The following DLGAP2 variants were observed in gnomAD, a reference collection of about 807,000 sequenced individuals.
DLGAP2 encodes the protein DLG associated protein 2.
DLGAP2 carries 26 observed loss-of-function variants against 100.3 expected under a neutral mutation model. That is an observed-to-expected ratio of 0.26 (90% CI 0.19 to 0.36). DLGAP2 has a LOEUF of 0.36. DLGAP2 is among the 10% of genes least tolerant of loss of function. The pLI is 1.00. For missense variants in DLGAP2, 1,858 were observed against 1,453.2 expected (o/e 1.28, Z -4.53); for synonymous variants, 886 against 630.1 (o/e 1.41, Z -6.08).
intron 3 of DLGAP2, among the ~76,000 whole-genome samples, chr8:1,290,598 G>A (rs766215504): frequency 1.3e-5 from 2 of 152,214 alleles, no homozygotes; most frequent in Non-Finnish European, 2.9e-5. Flanking sequence ...GGGAGACAGC[G>A]GAGACACCAG....
intron 2 of DLGAP2, among the ~76,000 whole-genome samples, chr8:1,200,210 C>T (rs1418545959): frequency 1.3e-5 from 2 of 152,218 alleles, no homozygotes; most frequent in Non-Finnish European, 2.9e-5. Context: ...CGGGTGTCAC[C>T]TTCCTCCTGG....
chr8:787,088 A>G (rs552386479), intron 1 of DLGAP2, among the ~76,000 whole-genome samples: 2 of 152,274 alleles, frequency 1.3e-5, no homozygotes, highest in South Asian at 4.1e-4. Context: ...ATATTATTCT[A>G]GGTAAACTGA....
chr8:1,308,493 T>C (rs143497687), intron 3 of DLGAP2, among the ~76,000 whole-genome samples: 2 of 152,310 alleles, frequency 1.3e-5, no homozygotes, highest in Admixed American at 6.5e-5. Flanking sequence ...CAGGAAAGTA[T>C]GGTCCATTCA....
At chr8:1,483,529 T>C (rs931870253) in intron 3 of DLGAP2, among the ~76,000 whole-genome samples, 4 of 140,850 alleles carry the variant, frequency 2.8e-5, no homozygotes, top group African/African-American at 1.2e-4. Flanking sequence ...TGAACTGCTG[T>C]GCAAGAGGCT....
chr8:1,125,607 C>A (rs900488371), intron 2 of DLGAP2, among the ~76,000 whole-genome samples: 1 of 152,134 alleles, frequency 6.6e-6, no homozygotes, highest in Admixed American at 6.5e-5. Flanking sequence ...ATTATGAAAG[C>A]CAGGTGATTT....
intron 1 of DLGAP2, among the ~76,000 whole-genome samples, chr8:774,709 T>C (rs1458156040): frequency 6.6e-6 from 1 of 151,640 alleles, no homozygotes; most frequent in African/African-American, 2.4e-5. Flanking sequence ...TTGATCTATA[T>C]CTCTGTTTTG....
intron 3 of DLGAP2, among the ~76,000 whole-genome samples, chr8:1,415,534 C>T (rs150348698): frequency 1.3e-5 from 2 of 152,134 alleles, no homozygotes; most frequent in Non-Finnish European, 2.9e-5. Flanking sequence ...CTATGTTTAG[C>T]CTCCACTTAT....
At chr8:1,525,014 C>T (rs1254970842) in intron 4 of DLGAP2, among the ~76,000 whole-genome samples, 1 of 152,074 alleles carries the variant, frequency 6.6e-6, no homozygotes, top group Non-Finnish European at 1.5e-5. Context: ...CCAATCCTTT[C>T]CCTGGCTTTC....
chr8:1,468,117 A>C (rs571955222), intron 3 of DLGAP2, among the ~76,000 whole-genome samples: 2 of 152,368 alleles, frequency 1.3e-5, no homozygotes, highest in East Asian at 3.9e-4. Context: ...CCAGGGTCAC[A>C]GGAGCAGGGA....
chr8:1,019,983 G>C (rs1801583323), intron 2 of DLGAP2, among the ~76,000 whole-genome samples: 1 of 152,222 alleles, frequency 6.6e-6, no homozygotes, highest in East Asian at 1.9e-4. Flanking sequence ...GTGAACTTTG[G>C]TTCAGTATTT....
intron 1 of DLGAP2, among the ~76,000 whole-genome samples, chr8:756,792 A>C (rs1231298106): frequency 6.6e-6 from 1 of 152,128 alleles, no homozygotes; most frequent in Non-Finnish European, 1.5e-5. Context: ...TTCTTTTAGC[A>C]GATCTCCCGC....
rs114068959 is a variant in DLGAP2, at chr8:1,127,909, C to T, written c.74-130942C>T. Among the ~76,000 whole-genome samples the T allele has an allele frequency of 5.6e-3, 846 of 152,246 alleles. 6 individuals are homozygous for T. Among genetic ancestry groups the T allele is most frequent in the African/African-American group, 0.019 (801 of 41,546 alleles). On this transcript the variant is annotated intron_variant, in intron 2 of 14. Coordinates refer to ENST00000637795, the MANE Select transcript of DLGAP2 (RefSeq NM_001346810.2). ...AGTCTAAAGATGCACTTTCCTATTC[C>T]GGATCTTTCAAATAATGATTAAGCC... is the stretch of plus-strand genomic sequence containing the variant.
At chr8:945,322 A>T (rs374507315) in intron 2 of DLGAP2, among the ~76,000 whole-genome samples, 37 of 152,282 alleles carry the variant, frequency 2.4e-4, no homozygotes, top group African/African-American at 7.9e-4. Flanking sequence ...GCCTGTCACC[A>T]GAAACAATTC....
intron 1 of DLGAP2, among the ~76,000 whole-genome samples, chr8:773,496 C>T (rs9721053): frequency 2.2e-5 from 3 of 137,408 alleles, no homozygotes; most frequent in African/African-American, 8.0e-5. Context: ...ATCCCTCCCC[C>T]CTCCCCCCAC....
At chr8:1,351,560 C>T (rs1395299438) in intron 3 of DLGAP2, among the ~76,000 whole-genome samples, 1 of 74,202 alleles carries the variant, frequency 1.3e-5, no homozygotes. Context: ...GTGGAAAGGA[C>T]GTGCGGGTCC....
intron 1 of DLGAP2, among the ~76,000 whole-genome samples, chr8:847,466 A>G (rs966189664): frequency 6.6e-6 from 1 of 151,520 alleles, no homozygotes; most frequent in Non-Finnish European, 1.5e-5. Flanking sequence ...TTTTAAAATG[A>G]TCTTTTTGAT....
At chr8:1,452,695 C>T (rs1412382855) in intron 3 of DLGAP2, among the ~76,000 whole-genome samples, 4 of 152,228 alleles carry the variant, frequency 2.6e-5, no homozygotes, top group Non-Finnish European at 5.9e-5. Flanking sequence ...GCGGGTTCTG[C>T]GCTGGGCAGC....
At chr8:1,191,322 C>T (rs1371279709) in intron 2 of DLGAP2, among the ~76,000 whole-genome samples, 3 of 151,956 alleles carry the variant, frequency 2.0e-5, no homozygotes, top group Non-Finnish European at 2.9e-5. Context: ...AGGCACCCGC[C>T]ACCACGCCCG....
Position 738,289 on chromosome 8 carries a change from G to T in DLGAP2, c.18+464G>T, listed in dbSNP as rs552921952. 2.2e-3 allele frequency among the ~76,000 whole-genome samples: 329 copies of T among 151,886 alleles called. 1 individual carries two copies. The highest frequency in any genetic ancestry group is 3.7e-3 in the Non-Finnish European group (254 of 67,882). ...CAAGCCCGGGTGGAAACGCCGACGG[G>T]GACTGGGAATGAATGAAGGGTGCCG... On this transcript the variant is annotated intron_variant, in intron 1 of 14. Coordinates refer to ENST00000637795, the MANE Select transcript of DLGAP2 (RefSeq NM_001346810.2).
Sources: allele counts gnomAD v4.1 joint callset (sites outside exome capture counted in the v4.1 genomes callset), GRCh38; gene constraint gnomAD v4.1.1; transcripts MANE v1.5; gene names NCBI Gene and HGNC (gene_info 2026-07-23, HGNC 2026-07-21).